CFAP20DC: variants seen among roughly 807,000 people sequenced by gnomAD.
CFAP20DC encodes CFAP20 domain containing.
In CFAP20DC, 84 loss-of-function variants were observed where a neutral mutation model predicts 101.7. The ratio of observed to expected loss-of-function variants is 0.83; its 90% confidence interval spans 0.69 to 0.99. The LOEUF is 0.99. Ranked by LOEUF, CFAP20DC falls within the 50% of genes least tolerant of loss-of-function variation. The pLI is 0.00. For missense variants in CFAP20DC, 1,007 were observed against 970.3 expected, an observed-to-expected ratio of 1.04 and a Z score of -0.50; for synonymous variants, 359 against 351.2, an observed-to-expected ratio of 1.02 and a Z score of -0.25.
At chr3:58,973,949 T>C (rs1052289418) in intron 4 of CFAP20DC, among the ~76,000 whole-genome samples, 1 of 152,112 alleles carries the variant, frequency 6.6e-6, no homozygotes, top group African/African-American at 2.4e-5. Context: ...TGCTGGTACT[T>C]CTCACTGGCT....
At chr3:58,935,974 G>A (rs1330450315) in intron 5 of CFAP20DC, among the ~76,000 whole-genome samples, 3 of 151,984 alleles carry the variant, frequency 2.0e-5, no homozygotes, top group Non-Finnish European at 4.4e-5. Context: ...ACTACCATCA[G>A]AGTGAACAGG....
chr3:58,960,919 T>C (rs1410758749), intron 4 of CFAP20DC, among the ~76,000 whole-genome samples: 1 of 152,214 alleles, frequency 6.6e-6, no homozygotes, highest in Non-Finnish European at 1.5e-5. Flanking sequence ...GTTTTCCTTC[T>C]TATCCTAGTT....
At position 58,863,772 on chromosome 3, in the gene CFAP20DC, T is replaced by C; in HGVS notation, c.1379A>G (p.Glu460Gly). ...PSHLWLEASKESEHDQQAEES... is the reference protein window; with the variant it reads ...PSHLWLEASKGSEHDQQAEES... ...CTCTGCCTGCTGGTCGTGTTCACTCTCTTTGCTGGCTTCCAGCCACAGGTG... is the reference window on the plus strand; with the variant it reads ...CTCTGCCTGCTGGTCGTGTTCACTCCCTTTGCTGGCTTCCAGCCACAGGTG... The change falls in exon 12 of 17, where the codon GAG becomes GGG. Residue 460 changes from glutamate (E) to glycine (G), a missense_variant. Glu to Gly is a moderately conservative substitution (Grantham distance 98). Transcript: ENST00000482387. The surrounding 1 kb of genome is among the most constrained non-coding windows in gnomAD (Gnocchi z 5.9). 1 of 1,614,208 alleles carries C rather than the reference T, an allele frequency of 6.2e-7. No homozygotes were observed. The highest frequency in any genetic ancestry group is 1.1e-5 in the South Asian group (1 of 91,080).
rs371716782 is a variant in CFAP20DC, at chr3:59,029,848, A to G, written c.278+9709T>C. Among the ~76,000 whole-genome samples the G allele has an allele frequency of 3.9e-5, 6 of 152,228 alleles. No individual in the cohort carries two copies. The South Asian group carries it at 6.2e-4, about 16-fold the overall frequency. On this transcript the variant is annotated intron_variant, in intron 4 of 16. Transcript: ENST00000482387. ...GCGTGGGGAGAAGTATACAAATTCG[A>G]GGTATATCAAATCCCCCATGCCTAA...
intron 15 of CFAP20DC, among the ~76,000 whole-genome samples, chr3:58,783,937 T>C (rs115676608): frequency 0.021 from 3,140 of 152,170 alleles, 110 homozygotes; most frequent in African/African-American, 0.071. Flanking sequence ...GTTTGGGGTA[T>C]GAATGATCCC....
chr3:58,854,177 C>T, intron 12 of CFAP20DC, among the ~76,000 whole-genome samples: 1 of 152,034 alleles, frequency 6.6e-6, no homozygotes, highest in South Asian at 2.1e-4. Flanking sequence ...CACAAGCATT[C>T]TGATACACCA....
intron 6 of CFAP20DC, among the ~76,000 whole-genome samples, chr3:58,890,314 C>A (rs1383631493): frequency 7.0e-6 from 1 of 143,790 alleles, no homozygotes; most frequent in Admixed American, 6.9e-5. Flanking sequence ...GGGGGCTGAC[C>A]CCCCCACCTC....
At chr3:58,790,767 T>G (rs2072780575) in intron 15 of CFAP20DC, among the ~76,000 whole-genome samples, 1 of 152,180 alleles carries the variant, frequency 6.6e-6, no homozygotes, top group African/African-American at 2.4e-5. Context: ...TGTGTTCATT[T>G]TAGAGAATTC....
In CFAP20DC at chr3:59,006,771, A is replaced by G. The variant is rs938943574; in HGVS notation, c.278+32786T>C. On this transcript the variant is annotated intron_variant, in intron 4 of 16. Coordinates refer to ENST00000482387, the MANE Select transcript of CFAP20DC (RefSeq NM_001394063.1). The surrounding 1 kb of genome is among the most constrained non-coding windows in gnomAD (Gnocchi z 4.3). ...GGTCACAAGATGAATGAAGCTTCCA[A>G]CTAAATTTTGTAATAGTTTCAACTG... is the stretch of plus-strand genomic sequence containing the variant. Among the ~76,000 whole-genome samples the G allele has an allele frequency of 1.3e-5, 2 of 152,172 alleles. No homozygotes were observed. Among genetic ancestry groups the G allele is most frequent in the African/African-American group, 4.8e-5 (2 of 41,460 alleles).
chr3:58,810,088 G>C (rs1054179750), intron 14 of CFAP20DC, among the ~76,000 whole-genome samples: 3 of 152,220 alleles, frequency 2.0e-5, no homozygotes, highest in Middle Eastern at 3.4e-3. Flanking sequence ...AAGAATCCAG[G>C]ACCAGATGGA....
At chr3:58,934,101 T>A (rs2087153734) in intron 5 of CFAP20DC, among the ~76,000 whole-genome samples, 1 of 152,068 alleles carries the variant, frequency 6.6e-6, no homozygotes, top group Non-Finnish European at 1.5e-5. Flanking sequence ...TCACCATCGA[T>A]CCCACAGAAA....
chr3:59,028,747 A>T (rs2093936101), intron 4 of CFAP20DC, among the ~76,000 whole-genome samples: 1 of 152,206 alleles, frequency 6.6e-6, no homozygotes, highest in Non-Finnish European at 1.5e-5. Context: ...CCTACTATCC[A>T]GGCTAATTCT....
Position 58,874,830 on chromosome 3 carries a change from T to G in CFAP20DC, c.716-4521A>C, listed in dbSNP as rs1394972234. Among the ~76,000 whole-genome samples, 1 of 152,190 alleles carries G rather than the reference T, an allele frequency of 6.6e-6. No individual in the cohort carries two copies. The highest frequency in any genetic ancestry group is 1.5e-5 in the Non-Finnish European group (1 of 68,040). ...TGTGCTTCAGTAGACATAAACTCAGTGGCCTGCTTCTGTCACCCTGAACTG... is the reference window on the plus strand; with the variant it reads ...TGTGCTTCAGTAGACATAAACTCAGGGGCCTGCTTCTGTCACCCTGAACTG... On this transcript the variant is annotated intron_variant, in intron 7 of 16. Transcript: ENST00000482387. The surrounding 1 kb of genome is among the most constrained non-coding windows in gnomAD (Gnocchi z 5.1).
intron 5 of CFAP20DC, among the ~76,000 whole-genome samples, chr3:58,934,589 T>A (rs2087247609): frequency 6.6e-6 from 1 of 152,222 alleles, no homozygotes; most frequent in Non-Finnish European, 1.5e-5. Context: ...CAAGTGGGCT[T>A]CTTCCCTGGG....
chr3:58,755,762 C>A (rs1161495054), intron 15 of CFAP20DC, among the ~76,000 whole-genome samples: 2 of 152,120 alleles, frequency 1.3e-5, no homozygotes, highest in Non-Finnish European at 2.9e-5. Context: ...GTTTCCCCAC[C>A]TTTAACATTT....
At chr3:58,983,998 A>G (rs2092672628) in intron 4 of CFAP20DC, among the ~76,000 whole-genome samples, 1 of 152,212 alleles carries the variant, frequency 6.6e-6, no homozygotes, top group Non-Finnish European at 1.5e-5. Flanking sequence ...GCATGATTTC[A>G]GGAGTTAAGT....
chr3:58,775,848 C>T (rs551033299), intron 15 of CFAP20DC, among the ~76,000 whole-genome samples: 5 of 151,156 alleles, frequency 3.3e-5, no homozygotes, highest in Non-Finnish European at 2.9e-5. Context: ...CGGGTTCAAG[C>T]GATTCTCCTG....
intron 4 of CFAP20DC, among the ~76,000 whole-genome samples, chr3:58,950,033 G>C (rs1052496288): frequency 6.6e-6 from 1 of 152,152 alleles, no homozygotes; most frequent in Non-Finnish European, 1.5e-5. Context: ...CATCGTCTCA[G>C]CCCAAAATCT....
chr3:59,015,022 G>A lies in CFAP20DC; in HGVS notation c.278+24535C>T. 6.6e-6 allele frequency among the ~76,000 whole-genome samples: 1 copy of A among 152,066 alleles called. No individual in the cohort carries two copies. Among genetic ancestry groups the A allele is most frequent in the East Asian group, 1.9e-4 (1 of 5,186 alleles). On this transcript the variant is annotated intron_variant, in intron 4 of 16. Coordinates refer to ENST00000482387, the MANE Select transcript of CFAP20DC (RefSeq NM_001394063.1). The surrounding 1 kb of genome is among the most constrained non-coding windows in gnomAD (Gnocchi z 5.4). Reference sequence around the variant, plus strand: ...AGAGACAAGTGTTAAACATTTACCAGTACAGAACATTTTGCGAGCTCATTT... The same window carrying A: ...AGAGACAAGTGTTAAACATTTACCAATACAGAACATTTTGCGAGCTCATTT...
Sources: allele counts gnomAD v4.1 joint callset (sites outside exome capture counted in the v4.1 genomes callset), GRCh38; gene constraint gnomAD v4.1.1; non-coding constraint Gnocchi (gnomAD v3.1); transcripts MANE v1.5; gene names NCBI Gene and HGNC (gene_info 2026-07-23, HGNC 2026-07-21).